The following TRAF3 variants were observed in gnomAD, a reference collection of about 807,000 sequenced individuals.
TRAF3 encodes the protein TNF receptor-associated factor 3.
Under a neutral mutation model 62.3 loss-of-function variants are expected in TRAF3, and 13 were observed. The ratio of observed to expected loss-of-function variants is 0.21; its 90% confidence interval spans 0.14 to 0.33. TRAF3 has a LOEUF of 0.33. Ranked by LOEUF, TRAF3 falls within the 10% of genes least tolerant of loss-of-function variation. The pLI is 1.00. For missense variants in TRAF3, 440 were observed against 741.8 expected (o/e 0.59, Z 4.73); for synonymous variants, 269 against 283.4 (o/e 0.95, Z 0.51).
chr14:102,830,831 T>A (rs1363833175), intron 2 of TRAF3, among the ~76,000 whole-genome samples: 1 of 152,196 alleles, frequency 6.6e-6, no homozygotes, highest in African/African-American at 2.4e-5. Context: ...TACCCAGGGG[T>A]GAATCTGAAT....
At position 102,903,391 on chromosome 14, in the gene TRAF3, G is replaced by A. The variant is rs889765150; in HGVS notation, c.1097G>A (p.Ser366Asn). 2 of 1,614,152 alleles carry A rather than the reference G, an allele frequency of 1.2e-6. No homozygotes were observed. The highest frequency in any genetic ancestry group is 1.7e-6 in the Non-Finnish European group (2 of 1,180,028). ...SLQNRVTELE[S>N]VDKSAGQVAR... ...CAGAACCGCGTGACCGAGCTGGAGA[G>A]CGTGGACAAGAGCGCGGGGCAAGTG... The change falls in exon 11 of 12, where the codon AGC becomes AAC. Residue 366 changes from serine (S) to asparagine (N), a missense_variant. Coordinates refer to ENST00000392745, the MANE Select transcript of TRAF3 (RefSeq NM_145725.3). This position sits in a 1 kb window ranked among gnomAD's most constrained non-coding sequence, Gnocchi z 6.4.
intron 1 of TRAF3, among the ~76,000 whole-genome samples, chr14:102,828,434 G>C (rs1255643426): frequency 3.9e-5 from 6 of 152,174 alleles, no homozygotes; most frequent in African/African-American, 1.4e-4. Context: ...TAGAACGTAC[G>C]CGATTCTGTG....
At chr14:102,801,521 A>G (rs1434268832) in intron 1 of TRAF3, among the ~76,000 whole-genome samples, 1 of 151,942 alleles carries the variant, frequency 6.6e-6, no homozygotes, top group East Asian at 1.9e-4. Context: ...GCAGGCACCC[A>G]ACAAATGCAG....
chr14:102,846,810 T>C (rs1233511822), intron 2 of TRAF3, among the ~76,000 whole-genome samples: 2 of 152,116 alleles, frequency 1.3e-5, no homozygotes, highest in Non-Finnish European at 2.9e-5. Context: ...AGCAAGATGC[T>C]GCGTCAACAA....
chr14:102,872,431 C>A lies in TRAF3; in HGVS notation c.297+463C>A, dbSNP rs557874204. ...CATTTGAGTTTGTGCTCCCTGCCCC[C>A]CAGGCCCCCTGTGATATCTTTAAGT... On this transcript the variant is annotated intron_variant, in intron 4 of 11. Transcript: ENST00000392745. Among the ~76,000 whole-genome samples the A allele has an allele frequency of 2.6e-5, 4 of 152,324 alleles. No homozygotes were observed. In the South Asian group the frequency reaches 8.3e-4, roughly 32 times the overall value.
chr14:102,880,006 C>G (rs1011614606), intron 6 of TRAF3, among the ~76,000 whole-genome samples: 3 of 152,110 alleles, frequency 2.0e-5, no homozygotes, highest in Non-Finnish European at 4.4e-5. Context: ...GTTCTAGCTA[C>G]TAGGGAGGCC....
chr14:102,883,167 G>A (rs1889164106), intron 6 of TRAF3, among the ~76,000 whole-genome samples: 1 of 152,148 alleles, frequency 6.6e-6, no homozygotes, highest in African/African-American at 2.4e-5. Flanking sequence ...GCAGAAATCT[G>A]GAAACAGCCG....
chr14:102,892,214 C>T (rs1889762271), intron 9 of TRAF3, among the ~76,000 whole-genome samples: 1 of 152,110 alleles, frequency 6.6e-6, no homozygotes. Context: ...CGCACCACCA[C>T]ACCCAGCTAA....
intron 1 of TRAF3, among the ~76,000 whole-genome samples, chr14:102,795,596 ATATG>A (rs1898033882): frequency 7.7e-6 from 1 of 129,194 alleles, no homozygotes; most frequent in African/African-American, 3.0e-5. Flanking sequence ...TGATATGTAT[ATATG>A]TGTGTGTGTG....
intron 6 of TRAF3, among the ~76,000 whole-genome samples, chr14:102,881,856 A>T (rs1889088478): frequency 6.6e-6 from 1 of 152,212 alleles, no homozygotes; most frequent in East Asian, 1.9e-4. Context: ...ATCGTAGCGT[A>T]TGTCTGTTAA....
intron 2 of TRAF3, among the ~76,000 whole-genome samples, chr14:102,866,678 C>T (rs1888010284): frequency 6.6e-6 from 1 of 151,840 alleles, no homozygotes; most frequent in African/African-American, 2.4e-5. Flanking sequence ...ACCCCCAGCT[C>T]CTGAAAAAAT....
At chr14:102,883,642 A>G (rs767137748) in intron 6 of TRAF3, among the ~76,000 whole-genome samples, 15 of 152,022 alleles carry the variant, frequency 9.9e-5, no homozygotes, top group Non-Finnish European at 1.8e-4. Context: ...CTGGAGTGCA[A>G]TGGCACGATC....
intron 8 of TRAF3, among the ~76,000 whole-genome samples, chr14:102,890,110 C>CGCAAATGGA (rs1889627781): frequency 6.6e-6 from 1 of 152,184 alleles, no homozygotes; most frequent in African/African-American, 2.4e-5. Context: ...GGGGGACAGA[C>CGCAAATGGA]GCAAAATGGA....
chr14:102,846,379 GA>G (rs564467903), intron 2 of TRAF3, among the ~76,000 whole-genome samples: 3 of 152,116 alleles, frequency 2.0e-5, no homozygotes, highest in African/African-American at 7.2e-5. Context: ...AAAAGGCAAA[GA>G]AAAAAGCAAG....
At chr14:102,789,685 G>A (rs1416623433) in intron 1 of TRAF3, among the ~76,000 whole-genome samples, 8 of 151,752 alleles carry the variant, frequency 5.3e-5, no homozygotes, top group African/African-American at 1.9e-4. Flanking sequence ...GTGGTATCTC[G>A]TGGTTTGGGT....
At position 102,891,421 on chromosome 14, in the gene TRAF3, G is replaced by A. The variant is rs200177742; in HGVS notation, c.819+4G>A. Reference sequence around the variant, plus strand: ...GAGCAACTCGCTCGAAAAGAAGGTGGGCTGCACACTTTCCTGCTGCTATGG... The same window carrying A: ...GAGCAACTCGCTCGAAAAGAAGGTGAGCTGCACACTTTCCTGCTGCTATGG... On this transcript the variant is annotated splice_donor_region_variant and intron_variant, in intron 9 of 11. Coordinates refer to ENST00000392745, the MANE Select transcript of TRAF3 (RefSeq NM_145725.3). 343 of 1,609,324 alleles carry A rather than the reference G, an allele frequency of 2.1e-4. 1 individual carries two copies. In the African/African-American group the frequency reaches 3.7e-3, roughly 17 times the overall value.
chr14:102,859,683 G>A (rs1887573150), intron 2 of TRAF3, among the ~76,000 whole-genome samples: 1 of 152,088 alleles, frequency 6.6e-6, no homozygotes, highest in South Asian at 2.1e-4. Flanking sequence ...TTATTTTTCT[G>A]ACAAAATATT....
At chr14:102,803,586 T>C (rs1898581196) in intron 1 of TRAF3, among the ~76,000 whole-genome samples, 1 of 152,222 alleles carries the variant, frequency 6.6e-6, no homozygotes, top group South Asian at 2.1e-4. Context: ...ATTTTTTTTT[T>C]TTTTTTAAGA....
chr14:102,827,999 G>T (rs1301850604), intron 1 of TRAF3, among the ~76,000 whole-genome samples: 1 of 152,242 alleles, frequency 6.6e-6, no homozygotes, highest in Admixed American at 6.5e-5. Flanking sequence ...TTCCCGCAGG[G>T]CGTACCTGAG....
Sources: gnomAD v4.1 joint callset for allele counts (sites outside exome capture counted in the v4.1 genomes callset) on GRCh38, gnomAD v4.1.1 for gene constraint, Gnocchi (gnomAD v3.1) non-coding constraint, MANE v1.5 for transcripts, NCBI Gene and HGNC (gene_info 2026-07-23, HGNC 2026-07-21) for gene names.